The following CDH24 variants were observed in gnomAD, a reference collection of about 807,000 sequenced individuals.
CDH24 encodes cadherin-24.
Under a neutral mutation model 71.2 loss-of-function variants are expected in CDH24, and 61 were observed. The observed-to-expected ratio is 0.86, with a 90% CI of 0.70 to 1.06. The LOEUF is 1.06. CDH24 is among the 50% of genes least tolerant of loss of function. CDH24 has a pLI of 0.00. For synonymous variants in CDH24, 440 were observed against 470.2 expected, an observed-to-expected ratio of 0.94 and a Z score of 0.83; for missense variants, 961 against 1,083.7, an observed-to-expected ratio of 0.89 and a Z score of 1.59.
intron 10 of CDH24, 25 bp downstream of exon 10, chr14:23,049,602 G>C: frequency 7.5e-7 from 1 of 1,335,604 alleles, no homozygotes; most frequent in South Asian, 1.4e-5. Flanking sequence ...GGCAGGTATG[G>C]ACATGGCTGT....
Position 23,047,840 on chromosome 14 carries a change from G to A in CDH24, c.*140C>T. ...GGAGGTGAGAGCGAGGGTGCCCCGGGGAAGCAAGGAGGGACACAAGGACAG... is the reference window on the plus strand; with the variant it reads ...GGAGGTGAGAGCGAGGGTGCCCCGGAGAAGCAAGGAGGGACACAAGGACAG... On this transcript the variant is annotated 3_prime_UTR_variant, in exon 12 of 13. Coordinates refer to ENST00000487137, the MANE Select transcript of CDH24 (RefSeq NM_144985.4). The A allele has an allele frequency of 2.0e-6, 1 of 490,664 alleles. No homozygotes were observed. Among genetic ancestry groups the A allele is most frequent in the Non-Finnish European group, 3.2e-6 (1 of 312,208 alleles). The allele number at this position is 490,664 out of a possible 1,614,324, so 30.4% of individuals were successfully genotyped here. A position where few individuals can be genotyped will look rare whatever the true frequency, so the allele number is the denominator to read the frequency against.
At chr14:23,052,273 C>A in intron 8 of CDH24, 200 bp downstream of exon 8, 1 of 749,792 alleles carries the variant, frequency 1.3e-6, no homozygotes, top group Non-Finnish European at 2.3e-6. Context: ...GCCCGCCCTG[C>A]CTGGTAGCAA....
In CDH24 at chr14:23,048,005, C is replaced by G; in HGVS notation, c.2321G>C (p.Gly774Ala). 7.0e-7 allele frequency: 1 copy of G among 1,431,162 alleles called. No homozygotes were observed. Among genetic ancestry groups the G allele is most frequent in the East Asian group, 3.1e-5 (1 of 31,746 alleles). 88.7% of individuals were successfully genotyped at this position (1,431,162 alleles called of 1,614,324 possible). ...PLFRTLAELY[G>A]AKEPPAP ...TCAGGGGGCCGGGGGCTCCTTGGCC[C>G]CATACAGCTCGGCCAGGGTGCGGAA... The change falls in exon 12 of 13, where the codon GGG becomes GCG. Residue 774 changes from glycine (G) to alanine (A), a missense_variant. Gly to Ala is a moderately conservative substitution (Grantham distance 60). This residue lies in a region of CDH24 where 290 missense variants were observed against 272.8 expected (regional missense o/e 1.06). Transcript: ENST00000487137.
rs2047147921 is a variant in CDH24 at position 23,057,466 on chromosome 14, C to CG, written c.-189dup. 6.6e-6 allele frequency: 1 copy of CG among 152,034 alleles called. No individual in the cohort carries two copies. The highest frequency in any genetic ancestry group is 2.4e-5 in the African/African-American group (1 of 41,408). 9.4% of individuals were successfully genotyped at this position (152,034 alleles called of 1,614,324 possible). A position where few individuals can be genotyped will look rare whatever the true frequency, so the allele number is the denominator to read the frequency against. On this transcript the variant is annotated 5_prime_UTR_variant, in exon 1 of 13. Transcript: ENST00000487137. This position sits in a 1 kb window ranked among gnomAD's most constrained non-coding sequence, Gnocchi z 5.4. ...CCCGCCCGCCCCCGTCGCCGGGTCC[C>CG]GGGGGCACAGCCCCGAGCCGATTGG...
chr14:23,056,274 AG>A (rs2047129309), intron 1 of CDH24, among the ~76,000 whole-genome samples: 2 of 152,224 alleles, frequency 1.3e-5, no homozygotes, highest in Non-Finnish European at 2.9e-5. Context: ...TGAGATGACA[AG>A]GAGTGCAGCC....
At chr14:23,050,788 A>G (rs1389964868) in intron 8 of CDH24, among the ~76,000 whole-genome samples, 1 of 152,166 alleles carries the variant, frequency 6.6e-6, no homozygotes, top group Non-Finnish European at 1.5e-5. Flanking sequence ...AGGTCTCCCA[A>G]TTCCTTTAGT....
intron 7 of CDH24, among the ~76,000 whole-genome samples, chr14:23,053,151 G>A (rs1165968593): frequency 6.6e-6 from 1 of 152,176 alleles, no homozygotes; most frequent in Non-Finnish European, 1.5e-5. Flanking sequence ...ACTTCATAGG[G>A]CTGTTGTGAG....
At chr14:23,050,863 C>T (rs1387821350) in intron 8 of CDH24, among the ~76,000 whole-genome samples, 1 of 152,154 alleles carries the variant, frequency 6.6e-6, no homozygotes, top group Admixed American at 6.5e-5. Flanking sequence ...GCAGCATGGG[C>T]AGGGGAGGCT....
At position 23,052,555 on chromosome 14, in the gene CDH24, C is replaced by T. The variant is rs2139945913; in HGVS notation, c.1281G>A (p.Glu427=). The T allele has an allele frequency of 6.2e-7, 1 of 1,614,052 alleles. No individual in the cohort carries two copies. Among genetic ancestry groups the T allele is most frequent in the Non-Finnish European group, 8.5e-7 (1 of 1,179,996 alleles). The change falls in exon 8 of 13, where the codon GAG becomes GAA. Residue 427 remains glutamate (E), a synonymous_variant. Transcript: ENST00000487137. ...DPERCFSIQP[E]EGTIHTAAPL... is the part of the protein sequence containing the mutation. The stretch of plus-strand genomic sequence containing the variant: ...GTGCTGCTGTATGGATGGTGCCTTC[C>T]TCGGGCTGGATAGAGAAGCAACGCT...
Position 23,051,898 on chromosome 14 carries a change from G to T in CDH24, c.1363+575C>A. 1.2e-6 allele frequency: 1 copy of T among 863,978 alleles called. No individual in the cohort carries two copies. The highest frequency in any genetic ancestry group is 1.8e-6 in the Non-Finnish European group (1 of 557,800). 53.5% of individuals were successfully genotyped at this position (863,978 alleles called of 1,614,324 possible). On this transcript the variant is annotated intron_variant, in intron 8 of 12. Transcript: ENST00000487137. This position sits in a 1 kb window ranked among gnomAD's most constrained non-coding sequence, Gnocchi z 4.4. ...CCCAGAGGCAGCTGAACCCGCTGCT[G>T]GCCTGACTGATGGGGGAGACCGCAT... is the stretch of plus-strand genomic sequence containing the variant.
chr14:23,047,945 C>G lies in CDH24; in HGVS notation c.*35G>C, dbSNP rs1045773472. The G allele has an allele frequency of 7.8e-6, 10 of 1,282,954 alleles. No homozygotes were observed. The highest frequency in any genetic ancestry group is 4.6e-5 in the South Asian group (2 of 43,520). The allele number at this position is 1,282,954 out of a possible 1,614,324, so 79.5% of individuals were successfully genotyped here. A position where few individuals can be genotyped will look rare whatever the true frequency, so the allele number is the denominator to read the frequency against. ...CACTCAGAGGGCCTGTGCCCGCTGC[C>G]CCCCCCCCGCGGTGGGCCGGGCCAG... On this transcript the variant is annotated 3_prime_UTR_variant, in exon 12 of 13. Coordinates refer to ENST00000487137, the MANE Select transcript of CDH24 (RefSeq NM_144985.4).
chr14:23,050,154 A>G (rs1389478753), intron 8 of CDH24: 1 of 594,724 alleles, frequency 1.7e-6, no homozygotes, highest in East Asian at 3.2e-5. Context: ...TACCCAAGAT[A>G]TGTGCGATAC....
Position 23,054,597 on chromosome 14 carries a change from G to GGCCGA in CDH24, c.692_693insTCGGC (p.Met232ArgfsTer16). 1 of 1,614,102 alleles carries GGCCGA rather than the reference G, an allele frequency of 6.2e-7. No homozygotes were observed. The highest frequency in any genetic ancestry group is 1.1e-5 in the South Asian group (1 of 91,080). On this transcript the variant is annotated frameshift_variant, in exon 5 of 13. Coordinates refer to ENST00000487137, the MANE Select transcript of CDH24 (RefSeq NM_144985.4). LOFTEE classifies it high-confidence loss of function. This position sits in a 1 kb window ranked among gnomAD's most constrained non-coding sequence, Gnocchi z 5.2. ...ACAGCCCCCCCATGTGGCCGCCCAT[G>GGCCGA]TCCTTGGCCTGGATCACCACCAAGA...
chr14:23,052,332 G>T, intron 8 of CDH24, 141 bp downstream of exon 8: 1 of 937,390 alleles, frequency 1.1e-6, no homozygotes, highest in Non-Finnish European at 1.7e-6. Flanking sequence ...ATCCAGGCTA[G>T]GACTCAGATC....
Position 23,048,052 on chromosome 14 carries a change from C to T in CDH24, c.2274G>A (p.Pro758=), listed in dbSNP as rs892706026. The T allele has an allele frequency of 1.4e-6, 2 of 1,443,946 alleles. No individual in the cohort carries two copies. Among genetic ancestry groups the T allele is most frequent in the Admixed American group, 2.7e-5 (1 of 37,648 alleles). 89.4% of individuals were successfully genotyped at this position (1,443,946 alleles called of 1,614,324 possible). ...EAGGAPGPAE[P]LDDWGPLFRT... ...GGAAGAGCGGACCCCAGTCGTCCAG[C>T]GGCTCCGCGGGGCCGGGGGCGCCGC... Residue 758 remains proline (P), a synonymous_variant, in exon 12 of 13, where the codon CCG becomes CCA. Transcript: ENST00000487137.
In CDH24 at chr14:23,055,043, G is replaced by C. The variant is rs766454754; in HGVS notation, c.496+16C>G. 2.5e-6 allele frequency: 4 copies of C among 1,605,480 alleles called. No individual in the cohort carries two copies. The highest frequency in any genetic ancestry group is 3.4e-6 in the Non-Finnish European group (4 of 1,173,646). On this transcript the variant is annotated intron_variant, in intron 3 of 12. Coordinates refer to ENST00000487137, the MANE Select transcript of CDH24 (RefSeq NM_144985.4). The surrounding 1 kb of genome is among the most constrained non-coding windows in gnomAD (Gnocchi z 4.1). Reference sequence around the variant, plus strand: ...CAGAAGACGGGAACTGGGGCATTCAGAGCTGGGGTGCTCACCGACATTGGA... The same window carrying C: ...CAGAAGACGGGAACTGGGGCATTCACAGCTGGGGTGCTCACCGACATTGGA...
chr14:23,051,955 T>C lies in CDH24; in HGVS notation c.1363+518A>G. 1.4e-6 allele frequency: 2 copies of C among 1,448,212 alleles called. No homozygotes were observed. The highest frequency in any genetic ancestry group is 1.4e-5 in the African/African-American group (1 of 70,504). The allele number at this position is 1,448,212 out of a possible 1,614,324, so 89.7% of individuals were successfully genotyped here. A position where few individuals can be genotyped will look rare whatever the true frequency, so the allele number is the denominator to read the frequency against. ...CTGGCACTCCTCCCCTTCCTTATGGTGTCCACTCCCCTACCTTGGGGGATT... is the reference window on the plus strand; with the variant it reads ...CTGGCACTCCTCCCCTTCCTTATGGCGTCCACTCCCCTACCTTGGGGGATT... On this transcript the variant is annotated intron_variant, in intron 8 of 12. Transcript: ENST00000487137. The surrounding 1 kb of genome is among the most constrained non-coding windows in gnomAD (Gnocchi z 4.4).
At position 23,052,126 on chromosome 14, in the gene CDH24, G is replaced by A. The variant is rs1203936886; in HGVS notation, c.1363+347C>T. The A allele has an allele frequency of 1.5e-5, 16 of 1,102,650 alleles. No individual in the cohort carries two copies. In the South Asian group the frequency reaches 1.7e-4, roughly 12 times the overall value. 68.3% of individuals were successfully genotyped at this position (1,102,650 alleles called of 1,614,324 possible). A position where few individuals can be genotyped will look rare whatever the true frequency, so the allele number is the denominator to read the frequency against. ...CAGGATGGGGTCTGTCAGTACACAG[G>A]TTGGGGGCTATGTAAGGTCTAGTTT... On this transcript the variant is annotated intron_variant, in intron 8 of 12. Coordinates refer to ENST00000487137, the MANE Select transcript of CDH24 (RefSeq NM_144985.4).
At chr14:23,048,600 G>C in intron 11 of CDH24, 121 bp from the exon 12 acceptor site, 1 of 944,664 alleles carries the variant, frequency 1.1e-6, no homozygotes, top group South Asian at 1.5e-5. Context: ...CTGACATCTA[G>C]CAAACCTTGC....
Sources: gnomAD v4.1 joint callset for allele counts (sites outside exome capture counted in the v4.1 genomes callset) on GRCh38, gnomAD v4.1.1 for gene constraint, gnomAD v4.1.1 regional missense constraint, Gnocchi (gnomAD v3.1) non-coding constraint, MANE v1.5 for transcripts, NCBI Gene and HGNC (gene_info 2026-07-23, HGNC 2026-07-21) for gene names.